RELN: variants seen among roughly 807,000 people sequenced by gnomAD.
RELN encodes the protein reelin.
RELN carries 108 observed loss-of-function variants against 427.6 expected under a neutral mutation model. That is an observed-to-expected ratio of 0.25 (90% CI 0.22 to 0.30). The LOEUF (loss-of-function observed/expected upper bound fraction) is 0.30. Ranked by LOEUF, RELN falls within the 10% of genes least tolerant of loss-of-function variation. RELN has a pLI of 1.00. For synonymous variants in RELN, 1,524 were observed against 1,513.4 expected, an observed-to-expected ratio of 1.01 and a Z score of -0.16; for missense variants, 3,715 against 4,302.8, an observed-to-expected ratio of 0.86 and a Z score of 3.82.
At chr7:103,857,994 C>T (rs963397888) in intron 2 of RELN, among the ~76,000 whole-genome samples, 1 of 150,070 alleles carries the variant, frequency 6.7e-6, no homozygotes, top group Non-Finnish European at 1.5e-5. Flanking sequence ...AAACTACCCT[C>T]TTCAATGGTT....
chr7:103,497,715 A>C, intron 55 of RELN, 105 bp downstream of exon 55: 4 of 918,788 alleles, frequency 4.4e-6, no homozygotes, highest in South Asian at 4.1e-5. Flanking sequence ...TGAGTTTCAC[A>C]ATTCAAACTG....
chr7:103,489,201 GGGGTGT>G (rs1425596326), intron 60 of RELN, among the ~76,000 whole-genome samples: 3 of 117,210 alleles, frequency 2.6e-5, no homozygotes, highest in East Asian at 2.5e-4. Context: ...GAGTCATAAA[GGGGTGT>G]GTGTGTGTGT....
chr7:103,720,658 GTAT>G (rs1203066503), intron 8 of RELN, among the ~76,000 whole-genome samples: 2 of 151,976 alleles, frequency 1.3e-5, no homozygotes, highest in Non-Finnish European at 2.9e-5. Flanking sequence ...TTTGAACTGA[GTAT>G]AAATAAAATG....
chr7:103,665,070 C>T (rs1296794643), intron 11 of RELN, among the ~76,000 whole-genome samples: 1 of 152,020 alleles, frequency 6.6e-6, no homozygotes, highest in East Asian at 1.9e-4. Flanking sequence ...TAAAGCTTTG[C>T]TTTTCACATT....
chr7:103,768,895 T>C (rs893291831), intron 4 of RELN, among the ~76,000 whole-genome samples: 1 of 152,248 alleles, frequency 6.6e-6, no homozygotes, highest in Admixed American at 6.5e-5. Context: ...TTCTCCTTCC[T>C]AAGTCTAACC....
intron 40 of RELN, among the ~76,000 whole-genome samples, chr7:103,552,331 T>C (rs1830431606): frequency 6.6e-6 from 1 of 152,144 alleles, no homozygotes; most frequent in Non-Finnish European, 1.5e-5. Context: ...CACTTATTGA[T>C]ATACACAGTA....
Position 103,603,618 on chromosome 7 carries a change from A to G in RELN, c.3147-128T>C. 1 of 760,964 alleles carries G rather than the reference A, an allele frequency of 1.3e-6. No individual in the cohort carries two copies. The highest frequency in any genetic ancestry group is 2.3e-6 in the Non-Finnish European group (1 of 429,622). The allele number at this position is 760,964 out of a possible 1,614,324, so 47.1% of individuals were successfully genotyped here. On this transcript the variant is annotated intron_variant, in intron 23 of 64. Coordinates refer to ENST00000428762, the MANE Select transcript of RELN (RefSeq NM_005045.4). The surrounding 1 kb of genome is among the most constrained non-coding windows in gnomAD (Gnocchi z 4.3). ...TATCATTCACACTAGATTCTTCCCT[A>G]CAGTGTTAATCTGGGTATGCGGTAG...
At chr7:103,692,399 G>A (rs1407640226) in intron 10 of RELN, among the ~76,000 whole-genome samples, 2 of 152,034 alleles carry the variant, frequency 1.3e-5, no homozygotes, top group African/African-American at 4.8e-5. Context: ...CCAGGCCCAG[G>A]AATCAATGCC....
In RELN at chr7:103,695,030, T is replaced by C. The variant is rs1833949025; in HGVS notation, c.1143+2823A>G. The stretch of plus-strand genomic sequence containing the variant: ...AACTCCAAAAACTAAAAGTCCAAAA[T>C]AAAACAATGTTTTAAACACACCTCA... On this transcript the variant is annotated intron_variant, in intron 10 of 64. Coordinates refer to ENST00000428762, the MANE Select transcript of RELN (RefSeq NM_005045.4). 2.0e-5 allele frequency among the ~76,000 whole-genome samples: 3 copies of C among 152,080 alleles called. No homozygotes were observed. The South Asian group carries it at 6.2e-4, about 31-fold the overall frequency.
Position 103,733,189 on chromosome 7 carries a change from A to C in RELN, c.657-4982T>G, listed in dbSNP as rs529602513. On this transcript the variant is annotated intron_variant, in intron 6 of 64. Coordinates refer to ENST00000428762, the MANE Select transcript of RELN (RefSeq NM_005045.4). Reference sequence around the variant, plus strand: ...ATGCAGCTAAAAAACACATGAAAGAATGCTCATCATCACTGGCCATCAGAG... The same window carrying C: ...ATGCAGCTAAAAAACACATGAAAGACTGCTCATCATCACTGGCCATCAGAG... Among the ~76,000 whole-genome samples the C allele has an allele frequency of 3.9e-5, 6 of 152,302 alleles. No individual in the cohort carries two copies. The East Asian group carries it at 1.2e-3, about 29-fold the overall frequency.
chr7:103,978,698 G>A (rs888232167), intron 1 of RELN, among the ~76,000 whole-genome samples: 7 of 152,160 alleles, frequency 4.6e-5, no homozygotes, highest in African/African-American at 1.4e-4. Context: ...GCTATCCCCT[G>A]GGTACTCATT....
chr7:103,812,229 C>T (rs1001808073), intron 3 of RELN, among the ~76,000 whole-genome samples: 1 of 152,142 alleles, frequency 6.6e-6, no homozygotes, highest in African/African-American at 2.4e-5. Context: ...CTAGTCAGCA[C>T]TCCCCTAAGC....
At chr7:103,581,284 T>G (rs1006626375) in intron 28 of RELN, among the ~76,000 whole-genome samples, 2 of 152,226 alleles carry the variant, frequency 1.3e-5, no homozygotes, top group East Asian at 1.9e-4. Context: ...GACTGCTATG[T>G]GCTTCCCATT....
chr7:103,642,446 C>T (rs1258416839), intron 16 of RELN, among the ~76,000 whole-genome samples: 3 of 149,186 alleles, frequency 2.0e-5, no homozygotes, highest in Non-Finnish European at 4.4e-5. Flanking sequence ...AGAGTGGGTC[C>T]TGTTTCTGTG....
At chr7:103,826,662 A>G (rs924960555) in intron 3 of RELN, among the ~76,000 whole-genome samples, 2 of 152,042 alleles carry the variant, frequency 1.3e-5, no homozygotes, top group African/African-American at 4.8e-5. Flanking sequence ...CACACTTCTA[A>G]AACTGGTTTA....
At chr7:103,926,743 C>T (rs1795750849) in intron 1 of RELN, among the ~76,000 whole-genome samples, 1 of 146,702 alleles carries the variant, frequency 6.8e-6, no homozygotes. Context: ...CTCCCGGGTT[C>T]ACGCCATTTT....
chr7:103,554,926 T>C (rs1296494601), intron 38 of RELN, among the ~76,000 whole-genome samples: 3 of 152,220 alleles, frequency 2.0e-5, no homozygotes, highest in Admixed American at 6.5e-5. Flanking sequence ...TGAAGGACTA[T>C]GGCCATTAAA....
At chr7:103,855,788 T>C (rs1793931254) in intron 2 of RELN, among the ~76,000 whole-genome samples, 1 of 152,156 alleles carries the variant, frequency 6.6e-6, no homozygotes. Context: ...TTCTCCATCT[T>C]AACATGGCAT....
At chr7:103,751,877 T>C (rs1019397389) in intron 5 of RELN, among the ~76,000 whole-genome samples, 2 of 152,236 alleles carry the variant, frequency 1.3e-5, no homozygotes, top group African/African-American at 4.8e-5. Context: ...GAAAGTCCCA[T>C]AGTGAAAGAC....
Sources: gnomAD v4.1 joint callset for allele counts (sites outside exome capture counted in the v4.1 genomes callset) on GRCh38, gnomAD v4.1.1 for gene constraint, Gnocchi (gnomAD v3.1) non-coding constraint, MANE v1.5 for transcripts, NCBI Gene and HGNC (gene_info 2026-07-23, HGNC 2026-07-21) for gene names.